Variants in DMD observed in about 807,000 individuals in gnomAD.
DMD encodes the protein dystrophin, also known as mutant dystrophin.
DMD carries 63 observed loss-of-function variants against 330.1 expected under a neutral mutation model. The observed-to-expected ratio is 0.19, with a 90% CI of 0.16 to 0.24. The LOEUF is 0.24. DMD is among the 10% of genes least tolerant of loss of function. DMD has a pLI of 1.00. For missense variants in DMD, 3,344 were observed against 2,684.1 expected (o/e 1.25, Z -5.43); for synonymous variants, 1,223 against 959.8 (o/e 1.27, Z -5.07).
At chrX:31,448,434 G>C (rs986423068) in intron 59 of DMD, among the ~76,000 whole-genome samples, 4 of 111,820 alleles carry the variant, frequency 3.6e-5, no homozygotes, top group African/African-American at 1.3e-4. Context: ...CCTAAACACA[G>C]AGTCACAAGA....
intron 55 of DMD, among the ~76,000 whole-genome samples, chrX:31,514,436 CTT>C (rs2071974485): frequency 9.0e-6 from 1 of 111,466 alleles, no homozygotes; most frequent in African/African-American, 3.3e-5. Context: ...CTCATCTACT[CTT>C]GTTGTGAATC....
At chrX:32,371,452 A>T (rs2097877638) in intron 34 of DMD, among the ~76,000 whole-genome samples, 1 of 110,644 alleles carries the variant, frequency 9.0e-6, no homozygotes, top group East Asian at 2.8e-4. Context: ...AGAAAATCTT[A>T]TTCTACCATT....
intron 1 of DMD, among the ~76,000 whole-genome samples, chrX:33,083,217 T>C (rs6527258): frequency 9.0e-6 from 1 of 111,272 alleles, no homozygotes; most frequent in Admixed American, 9.5e-5. Context: ...CTTTACAAGA[T>C]AAAATCACCC....
intron 44 of DMD, among the ~76,000 whole-genome samples, chrX:32,130,485 A>G (rs770316231): frequency 7.2e-5 from 8 of 111,595 alleles, no homozygotes; most frequent in Admixed American, 2.9e-4. Context: ...ATCATATCAC[A>G]TAACTCCTCT....
At chrX:31,749,165 T>G (rs1455172461) in intron 51 of DMD, among the ~76,000 whole-genome samples, 4 of 109,810 alleles carry the variant, frequency 3.6e-5, no homozygotes, top group Non-Finnish European at 7.6e-5. Flanking sequence ...TATTATACTT[T>G]AAGTTTTAGG....
chrX:31,422,033 ATATATATATATT>A (rs2063458509), intron 60 of DMD, among the ~76,000 whole-genome samples: 4 of 6,912 alleles, frequency 5.8e-4, no homozygotes, highest in Admixed American at 2.7e-3. Flanking sequence ...ACACACATAT[ATATATATATATT>A]TTTTTTTTTC....
At chrX:32,543,699 A>G (rs2048702189) in intron 17 of DMD, among the ~76,000 whole-genome samples, 2 of 112,162 alleles carry the variant, frequency 1.8e-5, no homozygotes, top group African/African-American at 6.5e-5. Context: ...TAGATTTTCT[A>G]TTACCATCGT....
rs184254283 is a variant in DMD at position 32,291,435 on chromosome X, A to G, written c.6118-3734T>C. Among the ~76,000 whole-genome samples, 4 of 112,064 alleles carry G rather than the reference A, an allele frequency of 3.6e-5. No individual in the cohort carries two copies. The East Asian group carries it at 8.4e-4, about 24-fold the overall frequency. ...CATGAGAACTTTTTTCGGAAAGTACATATATAATACCATTAACACACCTAC... is the reference window on the plus strand; with the variant it reads ...CATGAGAACTTTTTTCGGAAAGTACGTATATAATACCATTAACACACCTAC... On this transcript the variant is annotated intron_variant, in intron 42 of 78. Transcript: ENST00000357033.
intron 55 of DMD, among the ~76,000 whole-genome samples, chrX:31,528,024 A>G (rs778442136): frequency 1.1e-4 from 12 of 111,500 alleles, no homozygotes; most frequent in African/African-American, 3.9e-4. Flanking sequence ...CATTAAAAAA[A>G]TCTACAAACA....
At chrX:32,961,179 T>C (rs1424173748) in intron 2 of DMD, among the ~76,000 whole-genome samples, 2 of 111,425 alleles carry the variant, frequency 1.8e-5, no homozygotes, top group Non-Finnish European at 3.8e-5. Context: ...TGGCTTTTGT[T>C]GTTATTATTT....
intron 47 of DMD, among the ~76,000 whole-genome samples, chrX:31,893,860 G>A (rs901460182): frequency 2.7e-5 from 3 of 111,370 alleles, no homozygotes; most frequent in African/African-American, 9.8e-5. Flanking sequence ...AGTATCCTTG[G>A]AACTGAAAAA....
chrX:32,764,722 C>T (rs1488195143), intron 7 of DMD, among the ~76,000 whole-genome samples: 1 of 111,920 alleles, frequency 8.9e-6, no homozygotes, highest in East Asian at 2.8e-4. Context: ...TCTTTTGCTA[C>T]TATGAATAAT....
intron 51 of DMD, among the ~76,000 whole-genome samples, chrX:31,754,275 C>T (rs2088862576): frequency 1.8e-5 from 2 of 111,468 alleles, no homozygotes; most frequent in South Asian, 7.4e-4. Context: ...AATAAAGATC[C>T]TATTCTAGAC....
chrX:32,539,921 C>G (rs1404082280), intron 17 of DMD, among the ~76,000 whole-genome samples: 1 of 111,584 alleles, frequency 9.0e-6, no homozygotes, highest in East Asian at 2.8e-4. Flanking sequence ...AAAAAACAGA[C>G]CAGGTGAACT....
In DMD at chrX:32,362,876, C is replaced by T. The variant is rs2147233612; in HGVS notation, c.5237G>A (p.Gly1746Asp). 1 of 1,210,967 alleles carries T rather than the reference C, an allele frequency of 8.3e-7. No homozygotes were observed. Among genetic ancestry groups the T allele is most frequent in the East Asian group, 3.0e-5 (1 of 33,807 alleles). The change falls in exon 37 of 79, where the codon GGT becomes GAT. Residue 1746 changes from glycine to aspartate, a missense_variant. Coordinates refer to ENST00000357033, the MANE Select transcript of DMD (RefSeq NM_004006.3). Reference sequence around the variant, plus strand: ...CTCTACTAATTTCCTGCAGTGGTCACCGCGGTTTGCCATCAAGTTTGCTGC... The same window carrying T: ...CTCTACTAATTTCCTGCAGTGGTCATCGCGGTTTGCCATCAAGTTTGCTGC... ...DQAANLMANR[G>D]DHCRKLVEPQ...
At chrX:32,557,296 G>A (rs762216764) in intron 16 of DMD, among the ~76,000 whole-genome samples, 2 of 111,687 alleles carry the variant, frequency 1.8e-5, no homozygotes, top group South Asian at 7.4e-4. Context: ...TTTAAGGGGT[G>A]TGTATTTGTA....
intron 18 of DMD, among the ~76,000 whole-genome samples, chrX:32,508,986 AT>A (rs1490000033): frequency 9.2e-6 from 1 of 108,447 alleles, no homozygotes; most frequent in African/African-American, 3.4e-5. Flanking sequence ...AATTTTTTGT[AT>A]TTTTAGTAGA....
Position 31,296,619 on chromosome X carries a change from A to G in DMD, c.9224+26979T>C, listed in dbSNP as rs1347950015. 2.7e-5 allele frequency among the ~76,000 whole-genome samples: 3 copies of G among 112,000 alleles called. No homozygotes were observed. In the East Asian group the frequency reaches 8.4e-4, roughly 31 times the overall value. ...ACCTAAAGGCAGATGAGTGGGCCCTAATGTTACAAAGAACTACTCTGAGCT... is the reference window on the plus strand; with the variant it reads ...ACCTAAAGGCAGATGAGTGGGCCCTGATGTTACAAAGAACTACTCTGAGCT... On this transcript the variant is annotated intron_variant, in intron 62 of 78. Transcript: ENST00000357033.
chrX:32,661,808 T>TA (rs2060967337), intron 9 of DMD, among the ~76,000 whole-genome samples: 1 of 111,554 alleles, frequency 9.0e-6, no homozygotes, highest in South Asian at 3.7e-4. Context: ...TGAACTACCA[T>TA]AAGTTTCATT....
Sources: gnomAD v4.1 joint callset for allele counts (sites outside exome capture counted in the v4.1 genomes callset) on GRCh38, gnomAD v4.1.1 for gene constraint, MANE v1.5 for transcripts, NCBI Gene and HGNC (gene_info 2026-07-23, HGNC 2026-07-21) for gene names.